The following TMEM132B variants were observed in gnomAD, a reference collection of about 807,000 sequenced individuals.
The protein encoded by TMEM132B is transmembrane protein 132B.
A neutral mutation model predicts 90.8 loss-of-function variants in TMEM132B; 18 were observed. The ratio of observed to expected loss-of-function variants is 0.20; its 90% CI spans 0.14 to 0.29. TMEM132B has a LOEUF of 0.29. TMEM132B is among the 10% of genes least tolerant of loss of function. TMEM132B has a pLI of 1.00. For synonymous variants in TMEM132B, 504 were observed against 523.3 expected (o/e 0.96, Z 0.50); for missense variants, 1,096 against 1,326.8 (o/e 0.83, Z 2.70).
chr12:125,613,416 A>G (rs1233258085), intron 5 of TMEM132B, among the ~76,000 whole-genome samples: 4 of 150,904 alleles, frequency 2.7e-5, no homozygotes, highest in African/African-American at 9.7e-5. Context: ...TAATCTGCCT[A>G]TTTGTTGAAT....
intron 5 of TMEM132B, among the ~76,000 whole-genome samples, chr12:125,610,702 A>G (rs964444922): frequency 6.6e-6 from 1 of 152,068 alleles, no homozygotes; most frequent in Non-Finnish European, 1.5e-5. Flanking sequence ...TAAACCAATG[A>G]CAATGCAATG....
At chr12:125,248,018 A>G (rs1874242720) in intron 1 of TMEM132B, among the ~76,000 whole-genome samples, 1 of 152,184 alleles carries the variant, frequency 6.6e-6, no homozygotes, top group South Asian at 2.1e-4. Flanking sequence ...CATGTGTTCT[A>G]TGCAGCCAGG....
intron 4 of TMEM132B, among the ~76,000 whole-genome samples, chr12:125,519,935 T>A (rs1883265852): frequency 6.6e-6 from 1 of 152,230 alleles, no homozygotes; most frequent in South Asian, 2.1e-4. Flanking sequence ...TTTGTTGAAA[T>A]GCATCAGGGT....
chr12:125,540,869 A>G (rs1047550093), intron 4 of TMEM132B, among the ~76,000 whole-genome samples: 5 of 152,260 alleles, frequency 3.3e-5, no homozygotes, highest in African/African-American at 1.2e-4. Flanking sequence ...AGAGCTCACC[A>G]GATCTGGCCC....
At chr12:125,296,963 C>T (rs923505265) in intron 1 of TMEM132B, among the ~76,000 whole-genome samples, 1 of 152,266 alleles carries the variant, frequency 6.6e-6, no homozygotes. Flanking sequence ...GCATGCTTGT[C>T]CCTAACAGGT....
intron 1 of TMEM132B, among the ~76,000 whole-genome samples, chr12:125,218,622 G>A (rs1372701888): frequency 1.3e-5 from 2 of 152,146 alleles, no homozygotes; most frequent in South Asian, 2.1e-4. Flanking sequence ...GTACAAAAAG[G>A]TCAGTGTGAA....
At chr12:125,435,237 A>G (rs2136414602) in intron 3 of TMEM132B, among the ~76,000 whole-genome samples, 1 of 152,302 alleles carries the variant, frequency 6.6e-6, no homozygotes. Context: ...TGCTCTTCTG[A>G]ATTATGTCTG....
intron 2 of TMEM132B, among the ~76,000 whole-genome samples, chr12:125,405,822 G>A (rs1322663552): frequency 1.3e-5 from 2 of 152,224 alleles, no homozygotes; most frequent in Non-Finnish European, 2.9e-5. Context: ...AAAGCCCTTG[G>A]GAAAGTGTCT....
At chr12:125,508,188 G>C (rs12817531) in intron 3 of TMEM132B, among the ~76,000 whole-genome samples, 15,615 of 152,160 alleles carry the variant, frequency 0.1, 1,276 homozygotes, top group Admixed American at 0.27. Context: ...TCCATCCTTT[G>C]AGAGTAGTAA....
chr12:125,604,608 T>C (rs1206225325), intron 5 of TMEM132B, among the ~76,000 whole-genome samples: 1 of 152,112 alleles, frequency 6.6e-6, no homozygotes, highest in East Asian at 1.9e-4. Context: ...GAACTTAAAG[T>C]AAAATAAAAA....
At chr12:125,245,259 TG>T (rs1238174399) in intron 1 of TMEM132B, among the ~76,000 whole-genome samples, 3 of 150,254 alleles carry the variant, frequency 2.0e-5, no homozygotes, top group East Asian at 2.0e-4. Context: ...TGTTCCCAGA[TG>T]CCCCCCCAGG....
chr12:125,216,034 C>T (rs1178318446), intron 1 of TMEM132B, among the ~76,000 whole-genome samples: 1 of 152,262 alleles, frequency 6.6e-6, no homozygotes, highest in Non-Finnish European at 1.5e-5. Context: ...TTAAGAATCT[C>T]TCTGCTCTTT....
chr12:125,578,615 T>C (rs897973400), intron 4 of TMEM132B, among the ~76,000 whole-genome samples: 1 of 152,366 alleles, frequency 6.6e-6, no homozygotes, highest in Non-Finnish European at 1.5e-5. Context: ...TTGGTATTTC[T>C]TGGAAGATGA....
intron 3 of TMEM132B, among the ~76,000 whole-genome samples, chr12:125,450,476 A>G (rs1206827733): frequency 6.6e-6 from 1 of 152,168 alleles, no homozygotes; most frequent in Non-Finnish European, 1.5e-5. Flanking sequence ...ATAATAAAAC[A>G]AAAATAAATA....
At chr12:125,554,403 C>T (rs193213262) in intron 4 of TMEM132B, among the ~76,000 whole-genome samples, 42 of 116,206 alleles carry the variant, frequency 3.6e-4, no homozygotes, top group South Asian at 3.0e-3. Context: ...CTAGCCTGGG[C>T]GACAAAGTGA....
intron 3 of TMEM132B, among the ~76,000 whole-genome samples, chr12:125,517,327 A>ATTTTT (rs56147854): frequency 3.5e-5 from 1 of 28,418 alleles, no homozygotes; most frequent in Non-Finnish European, 7.3e-5. Flanking sequence ...TGCCCTGCTG[A>ATTTTT]TTTTTTTTTT....
At chr12:125,517,490 C>T (rs1434031648) in intron 3 of TMEM132B, among the ~76,000 whole-genome samples, 1 of 152,018 alleles carries the variant, frequency 6.6e-6, no homozygotes, top group Non-Finnish European at 1.5e-5. Flanking sequence ...CCACGCCCGG[C>T]CCAACACATA....
At chr12:125,416,177 C>T (rs549096016) in intron 3 of TMEM132B, among the ~76,000 whole-genome samples, 1 of 152,322 alleles carries the variant, frequency 6.6e-6, no homozygotes, top group South Asian at 2.1e-4. Context: ...CTGAACTCAC[C>T]TGGGACCCAG....
At chr12:125,411,757 C>G (rs760364070) in intron 2 of TMEM132B, among the ~76,000 whole-genome samples, 10 of 152,102 alleles carry the variant, frequency 6.6e-5, no homozygotes, top group Admixed American at 5.2e-4. Context: ...CCCACCCAGA[C>G]GGCAACCCGG....
Sources: allele counts gnomAD v4.1 joint callset (sites outside exome capture counted in the v4.1 genomes callset), GRCh38; gene constraint gnomAD v4.1.1; transcripts MANE v1.5; gene names NCBI Gene and HGNC (gene_info 2026-07-23, HGNC 2026-07-21).